ARHGAP6: variants seen among roughly 807,000 people sequenced by gnomAD.
ARHGAP6 encodes Rho GTPase activating protein 6.
Under a neutral mutation model 55.7 loss-of-function variants are expected in ARHGAP6, and 16 were observed. The ratio of observed to expected loss-of-function variants is 0.29; its 90% CI spans 0.19 to 0.44. The LOEUF is 0.44. ARHGAP6 is among the 20% of genes least tolerant of loss of function. The probability of loss-of-function intolerance (pLI) is 1.00; values close to 1 mark genes in which losing one functional copy is unlikely to be tolerated. For synonymous variants in ARHGAP6, 382 were observed against 360.9 expected, an observed-to-expected ratio of 1.06 and a Z score of -0.66; for missense variants, 698 against 808.9, an observed-to-expected ratio of 0.86 and a Z score of 1.66.
At position 11,188,897 on chromosome X, in the gene ARHGAP6, T is replaced by C. The variant is rs2046420342; in HGVS notation, c.908A>G (p.Asp303Gly). 8.3e-7 allele frequency: 1 copy of C among 1,211,556 alleles called. No individual in the cohort carries two copies. The highest frequency in any genetic ancestry group is 3.0e-5 in the East Asian group (1 of 33,809). Reference protein sequence around the residue: ...AYKLKQDLQRDEQKDASDFVA... With the variant: ...AYKLKQDLQRGEQKDASDFVA... ...AAAGTCAGATGCATCTTTCTGCTCG[T>C]CCCTCTGCAAGTCCTGCTTGAGTTT... The change falls in exon 4 of 13, where the codon GAC (aspartate) becomes GGC (glycine). Residue 303 changes from aspartate (D) to glycine (G), a missense_variant. Transcript: ENST00000337414.
rs187190082 is a variant in ARHGAP6, at chrX:11,399,246, C to T, written c.589-144539G>A. Among the ~76,000 whole-genome samples, 404 of 109,165 alleles carry T rather than the reference C, an allele frequency of 3.7e-3. 1 individual carries two copies. Among genetic ancestry groups the T allele is most frequent in the South Asian group, 9.9e-3 (25 of 2,528 alleles). 94.8% of individuals were successfully genotyped at this position (109,165 alleles called of 115,157 possible). ...CCTTGAATAGGCTGTTATTACTGCA[C>T]CCATCACCCCAAAACAGGCCAGTGT... is the stretch of plus-strand genomic sequence containing the variant. On this transcript the variant is annotated intron_variant, in intron 1 of 12. Coordinates refer to ENST00000337414, the MANE Select transcript of ARHGAP6 (RefSeq NM_013427.3).
intron 1 of ARHGAP6, among the ~76,000 whole-genome samples, chrX:11,554,074 G>A (rs2051297124): frequency 1.8e-5 from 2 of 112,263 alleles, no homozygotes; most frequent in South Asian, 7.4e-4. Flanking sequence ...TAAAGAAAAT[G>A]TGCTGTATAA....
Position 11,496,540 on chromosome X carries a change from T to A in ARHGAP6, c.588+167701A>T, listed in dbSNP as rs1326516027. 6.2e-5 allele frequency among the ~76,000 whole-genome samples: 7 copies of A among 112,045 alleles called. No individual in the cohort carries two copies. In the East Asian group the frequency reaches 1.7e-3, roughly 27 times the overall value. ...ACAGTTGACATTTGAGAGTGATTCA[T>A]TTCAGTTAAATGTATTCAGATTATT... is the stretch of plus-strand genomic sequence containing the variant. On this transcript the variant is annotated intron_variant, in intron 1 of 12. Transcript: ENST00000337414.
At chrX:11,245,684 G>T (rs764930988) in intron 2 of ARHGAP6, among the ~76,000 whole-genome samples, 15 of 111,861 alleles carry the variant, frequency 1.3e-4, no homozygotes, top group Middle Eastern at 4.6e-3. Flanking sequence ...AAGAGAATCA[G>T]ATAGAAGAGG....
At chrX:11,552,358 T>C (rs752079888) in intron 1 of ARHGAP6, among the ~76,000 whole-genome samples, 1 of 106,324 alleles carries the variant, frequency 9.4e-6, no homozygotes, top group Non-Finnish European at 1.9e-5. Flanking sequence ...GAAAACAGTA[T>C]GGAAGTTCCT....
rs779568577 is a variant in ARHGAP6, at chrX:11,403,324, C to T, written c.589-148617G>A. 1.2e-4 allele frequency among the ~76,000 whole-genome samples: 13 copies of T among 111,280 alleles called. No homozygotes were observed. The South Asian group carries it at 3.1e-3, about 26-fold the overall frequency. On this transcript the variant is annotated intron_variant, in intron 1 of 12. Transcript: ENST00000337414. ...GGTTGCTCATTCAGTTCTCTAAAGCCCTGGTGTCAAATACGACAGCCACTA... is the reference window on the plus strand; with the variant it reads ...GGTTGCTCATTCAGTTCTCTAAAGCTCTGGTGTCAAATACGACAGCCACTA...
At chrX:11,316,452 A>G (rs991388519) in intron 1 of ARHGAP6, among the ~76,000 whole-genome samples, 5 of 112,486 alleles carry the variant, frequency 4.4e-5, no homozygotes, top group Admixed American at 3.8e-4. Context: ...AAAATTGTAC[A>G]TATTTATTGT....
At chrX:11,178,954 G>A (rs1225783242) in intron 7 of ARHGAP6, among the ~76,000 whole-genome samples, 2 of 111,670 alleles carry the variant, frequency 1.8e-5, no homozygotes, top group Non-Finnish European at 3.8e-5. Flanking sequence ...GGGTTCTCGT[G>A]GTTCCCTCCT....
intron 1 of ARHGAP6, among the ~76,000 whole-genome samples, chrX:11,618,277 A>G (rs62588055): frequency 0.16 from 17,290 of 111,431 alleles, 1,248 homozygotes; most frequent in Middle Eastern, 0.27. Flanking sequence ...CAGAACTGTA[A>G]GATAACAAAT....
At chrX:11,283,305 C>G (rs2047882145) in intron 1 of ARHGAP6, among the ~76,000 whole-genome samples, 1 of 112,049 alleles carries the variant, frequency 8.9e-6, no homozygotes, top group South Asian at 3.7e-4. Flanking sequence ...CTGTAGGATA[C>G]AGCTTACAGT....
At chrX:11,533,805 C>T (rs1014047111) in intron 1 of ARHGAP6, among the ~76,000 whole-genome samples, 6 of 112,285 alleles carry the variant, frequency 5.3e-5, no homozygotes, top group African/African-American at 1.9e-4. Flanking sequence ...CAGCCATTAA[C>T]ATGCATCATC....
chrX:11,436,396 G>A (rs1291182166), intron 1 of ARHGAP6, among the ~76,000 whole-genome samples: 1 of 112,112 alleles, frequency 8.9e-6, no homozygotes. Flanking sequence ...ATAATTTGAG[G>A]GGATGTCATA....
intron 1 of ARHGAP6, among the ~76,000 whole-genome samples, chrX:11,294,470 A>G (rs1356514834): frequency 1.8e-5 from 2 of 111,819 alleles, no homozygotes; most frequent in Non-Finnish European, 3.8e-5. Context: ...TTTAGCTTCT[A>G]TGACTAAGGG....
rs774296865 is a variant in ARHGAP6 at position 11,188,748 on chromosome X, C to T, written c.1057G>A (p.Ala353Thr). The change falls in exon 4 of 13, where the codon GCT (alanine) becomes ACT (threonine). Residue 353 changes from alanine (A) to threonine (T), a missense_variant. This residue lies in a region of ARHGAP6 where 322 missense variants were observed against 451.1 expected (regional missense o/e 0.71). Coordinates refer to ENST00000337414, the MANE Select transcript of ARHGAP6 (RefSeq NM_013427.3). The part of the protein sequence containing the change: ...ESTSPNTPEP[A>T]PRARRRGAMS... ...CTCACCCTCCTCCTAGCCCGAGGAG[C>T]CGGTTCCGGGGTGTTTGGGGACGTT... The T allele has an allele frequency of 5.8e-6, 7 of 1,210,961 alleles. No individual in the cohort carries two copies. The highest frequency in any genetic ancestry group is 1.8e-5 in the South Asian group (1 of 56,684).
intron 1 of ARHGAP6, among the ~76,000 whole-genome samples, chrX:11,271,183 T>C: frequency 8.9e-6 from 1 of 111,840 alleles, no homozygotes; most frequent in Non-Finnish European, 1.9e-5. Flanking sequence ...TCACTGCTCA[T>C]TAAACATGGA....
chrX:11,182,635 CTTTT>C (rs1043810466), intron 5 of ARHGAP6, among the ~76,000 whole-genome samples: 1 of 83,127 alleles, frequency 1.2e-5, no homozygotes, highest in East Asian at 3.6e-4. Context: ...TTCCTTTTTT[CTTTT>C]TTTTTTTTTT....
At chrX:11,298,874 T>C (rs748301023) in intron 1 of ARHGAP6, 2 of 1,210,753 alleles carry the variant, frequency 1.7e-6, no homozygotes, top group Non-Finnish European at 2.2e-6. Flanking sequence ...CACAGCCACC[T>C]CTGCCTCCGA....
intron 1 of ARHGAP6, among the ~76,000 whole-genome samples, chrX:11,528,568 C>A (rs1050130363): frequency 3.6e-5 from 4 of 112,218 alleles, no homozygotes; most frequent in Non-Finnish European, 7.5e-5. Flanking sequence ...TCCTTTTAAT[C>A]CACAGACTGT....
At chrX:11,573,551 G>C (rs2051556662) in intron 1 of ARHGAP6, among the ~76,000 whole-genome samples, 1 of 109,914 alleles carries the variant, frequency 9.1e-6, no homozygotes, top group Admixed American at 9.7e-5. Context: ...CTATATCTCT[G>C]TTTTGGTACC....
Sources: gnomAD v4.1 joint callset for allele counts (sites outside exome capture counted in the v4.1 genomes callset) on GRCh38, gnomAD v4.1.1 for gene constraint, gnomAD v4.1.1 regional missense constraint, MANE v1.5 for transcripts, NCBI Gene and HGNC (gene_info 2026-07-23, HGNC 2026-07-21) for gene names.